The following CADM2 variants were observed in gnomAD, a reference collection of about 807,000 sequenced individuals.
CADM2 encodes cell adhesion molecule 2, also known as immunoglobulin superfamily member 4D.
CADM2 carries 12 observed loss-of-function variants against 49.8 expected under a neutral mutation model. The ratio of observed to expected loss-of-function variants is 0.24; its 90% CI spans 0.15 to 0.39. The LOEUF (loss-of-function observed/expected upper bound fraction) is 0.39, where lower values mean the gene tolerates loss of function less well. Ranked by LOEUF, CADM2 falls within the 10% of genes least tolerant of loss-of-function variation. The pLI is 1.00. For missense variants in CADM2, 378 were observed against 492.3 expected, an observed-to-expected ratio of 0.77 and a Z score of 2.20; for synonymous variants, 214 against 175.4, an observed-to-expected ratio of 1.22 and a Z score of -1.74.
At chr3:85,530,321 C>CTT (rs2061270952) in intron 1 of CADM2, among the ~76,000 whole-genome samples, 8 of 119,056 alleles carry the variant, frequency 6.7e-5, no homozygotes, top group African/African-American at 3.1e-4. Context: ...TTCTTTTCTC[C>CTT]GTTTTTTTTT....
At chr3:85,755,434 C>T (rs1193321472) in intron 2 of CADM2, among the ~76,000 whole-genome samples, 1 of 148,726 alleles carries the variant, frequency 6.7e-6, no homozygotes, top group Non-Finnish European at 1.5e-5. Context: ...TGTCAGCAAA[C>T]TGTTGTGTTC....
intron 1 of CADM2, among the ~76,000 whole-genome samples, chr3:85,396,636 A>G (rs1026426083): frequency 6.6e-6 from 1 of 152,066 alleles, no homozygotes; most frequent in Non-Finnish European, 1.5e-5. Flanking sequence ...TGTCTTTGAT[A>G]TTTAATGTTG....
chr3:85,996,437 A>G (rs1729430590), intron 8 of CADM2, among the ~76,000 whole-genome samples: 1 of 151,776 alleles, frequency 6.6e-6, no homozygotes, highest in Middle Eastern at 3.2e-3. Flanking sequence ...AGCTGGGACT[A>G]CAGGCGCATG....
At chr3:85,629,280 C>T (rs559548622) in intron 1 of CADM2, among the ~76,000 whole-genome samples, 1 of 151,746 alleles carries the variant, frequency 6.6e-6, no homozygotes, top group East Asian at 1.9e-4. Flanking sequence ...ACTTCAGAAA[C>T]AGAACACTAA....
At chr3:85,374,928 T>C (rs1387900310) in intron 1 of CADM2, among the ~76,000 whole-genome samples, 1 of 152,080 alleles carries the variant, frequency 6.6e-6, no homozygotes, top group Non-Finnish European at 1.5e-5. Context: ...ACCATATCAG[T>C]GCTAAATACC....
chr3:85,164,974 G>T (rs1358968456), intron 1 of CADM2, among the ~76,000 whole-genome samples: 28 of 151,936 alleles, frequency 1.8e-4, no homozygotes, highest in Admixed American at 1.8e-3. Context: ...ATATGTGTGT[G>T]TGTGTGTGTG....
At position 85,568,481 on chromosome 3, in the gene CADM2, T is replaced by TCTC. The variant is rs1559916146; in HGVS notation, c.62-158041_62-158040insCTC. On this transcript the variant is annotated intron_variant, in intron 1 of 9. Coordinates refer to ENST00000383699, the MANE Select transcript of CADM2 (RefSeq NM_001167675.2). ...TTTCTTTCTCTTTCTCTCTCTTTCT[T>TCTC]TCTTTCTTTCTTTCTTTCTTTCTTT... Among the ~76,000 whole-genome samples, 50 of 49,698 alleles carry TCTC rather than the reference T, an allele frequency of 1.0e-3. 5 individuals are homozygous for TCTC. The highest frequency in any genetic ancestry group is 3.5e-3 in the East Asian group (2 of 570). 32.6% of individuals were successfully genotyped at this position (49,698 alleles called of 152,430 possible).
intron 1 of CADM2, among the ~76,000 whole-genome samples, chr3:85,090,744 G>T (rs1197277971): frequency 1.3e-5 from 2 of 152,136 alleles, no homozygotes; most frequent in African/African-American, 4.8e-5. Flanking sequence ...ATTAGCAGCG[G>T]CATTAGATTC....
chr3:84,966,744 T>A (rs185718752), intron 1 of CADM2, among the ~76,000 whole-genome samples: 1 of 152,062 alleles, frequency 6.6e-6, no homozygotes, highest in Non-Finnish European at 1.5e-5. Context: ...ACACAGTCAT[T>A]GTTCAATTTT....
At chr3:85,587,981 G>A (rs569048001) in intron 1 of CADM2, among the ~76,000 whole-genome samples, 51 of 152,030 alleles carry the variant, frequency 3.4e-4, no homozygotes, top group South Asian at 2.9e-3. Flanking sequence ...TGCCCAAGCT[G>A]GTTTCCAATT....
intron 2 of CADM2, among the ~76,000 whole-genome samples, chr3:85,775,927 A>C (rs2070337989): frequency 6.6e-6 from 1 of 151,928 alleles, no homozygotes; most frequent in South Asian, 2.1e-4. Flanking sequence ...TTAGAGCAAA[A>C]GAAGAAACAT....
chr3:85,361,484 A>G (rs1016960157), intron 1 of CADM2, among the ~76,000 whole-genome samples: 4 of 152,226 alleles, frequency 2.6e-5, no homozygotes, highest in Admixed American at 2.6e-4. Flanking sequence ...TATCTGATCC[A>G]TAATTGGCAA....
chr3:85,063,373 G>A (rs770869832), intron 1 of CADM2, among the ~76,000 whole-genome samples: 6 of 151,590 alleles, frequency 4.0e-5, no homozygotes, highest in Admixed American at 3.3e-4. Flanking sequence ...GATGATCCAC[G>A]GCAAGAAAAC....
At chr3:85,227,848 C>G (rs751895084) in intron 1 of CADM2, among the ~76,000 whole-genome samples, 2 of 152,116 alleles carry the variant, frequency 1.3e-5, no homozygotes, top group Non-Finnish European at 2.9e-5. Flanking sequence ...CAAAATCACT[C>G]AGGATTTGCT....
At chr3:85,103,637 A>G (rs1193536954) in intron 1 of CADM2, among the ~76,000 whole-genome samples, 7 of 152,224 alleles carry the variant, frequency 4.6e-5, no homozygotes, top group Non-Finnish European at 1.0e-4. Context: ...TGAATGGAAA[A>G]TCATGAAATT....
chr3:85,752,385 A>G (rs10511072), intron 2 of CADM2, among the ~76,000 whole-genome samples: 21,535 of 125,216 alleles, frequency 0.17, 1,691 homozygotes, highest in African/African-American at 0.25. Flanking sequence ...AGTCAAATAT[A>G]AGATATGCAG....
At chr3:85,585,967 TATG>T (rs1270323571) in intron 1 of CADM2, among the ~76,000 whole-genome samples, 1 of 152,080 alleles carries the variant, frequency 6.6e-6, no homozygotes, top group Non-Finnish European at 1.5e-5. Context: ...TTTTAATGGA[TATG>T]ATACTGCTTA....
At chr3:86,023,644 C>T (rs1046669527) in intron 8 of CADM2, among the ~76,000 whole-genome samples, 7 of 152,112 alleles carry the variant, frequency 4.6e-5, no homozygotes, top group Admixed American at 1.3e-4. Context: ...AGGTGTGAGC[C>T]GCCACACCCA....
At chr3:85,709,428 A>G (rs924225332) in intron 1 of CADM2, among the ~76,000 whole-genome samples, 1 of 152,150 alleles carries the variant, frequency 6.6e-6, no homozygotes, top group African/African-American at 2.4e-5. Flanking sequence ...GTTACATACA[A>G]GATTTTCCTT....
Sources: allele counts gnomAD v4.1 joint callset (sites outside exome capture counted in the v4.1 genomes callset), GRCh38; gene constraint gnomAD v4.1.1; transcripts MANE v1.5; gene names NCBI Gene and HGNC (gene_info 2026-07-23, HGNC 2026-07-21).